SVIL: variants seen among roughly 807,000 people sequenced by gnomAD.
SVIL encodes supervillin, also known as archvillin.
Under a neutral mutation model 240.4 loss-of-function variants are expected in SVIL, and 101 were observed. The ratio of observed to expected loss-of-function variants is 0.42; its 90% CI spans 0.36 to 0.50. SVIL has a LOEUF of 0.50. Ranked by LOEUF, SVIL falls within the 20% of genes least tolerant of loss-of-function variation. The pLI, the probability that SVIL is intolerant of heterozygous loss-of-function variation, is 0.01. For missense variants in SVIL, 2,512 were observed against 2,818.7 expected, an observed-to-expected ratio of 0.89 and a Z score of 2.46; for synonymous variants, 999 against 1,100.0, an observed-to-expected ratio of 0.91 and a Z score of 1.82.
In SVIL at chr10:29,462,418, T is replaced by G; in HGVS notation, c.6278-17A>C. 1.2e-6 allele frequency: 2 copies of G among 1,613,458 alleles called. No homozygotes were observed. The highest frequency in any genetic ancestry group is 1.7e-6 in the Non-Finnish European group (2 of 1,179,768). ...GATTTTTTCCTGTAGTTACACAGAT[T>G]GCAATGTCAGTAGACCCCAGGGAGA... On this transcript the variant is annotated splice_polypyrimidine_tract_variant and intron_variant, in intron 35 of 37. Coordinates refer to ENST00000355867, the MANE Select transcript of SVIL (RefSeq NM_021738.3).
intron 36 of SVIL, among the ~76,000 whole-genome samples, chr10:29,458,990 CAT>C (rs1491102916): frequency 3.8e-5 from 5 of 132,980 alleles, no homozygotes; most frequent in Admixed American, 3.4e-4. Context: ...TTTCCTTTTC[CAT>C]TTTTTTTTTT....
chr10:29,463,453 A>C, intron 35 of SVIL, 39 bp downstream of exon 35: 1 of 1,600,044 alleles, frequency 6.2e-7, no homozygotes, highest in Non-Finnish European at 8.5e-7. Context: ...GGGCTTCCCC[A>C]TCTGTTCCGT....
At chr10:29,540,351 C>T (rs1589168052) in intron 6 of SVIL, among the ~76,000 whole-genome samples, 1 of 152,300 alleles carries the variant, frequency 6.6e-6, no homozygotes, top group African/African-American at 2.4e-5. Context: ...CATTCATCTC[C>T]TCGGCACTCG....
chr10:29,595,644 A>G (rs886617417), intron 1 of SVIL, among the ~76,000 whole-genome samples: 2 of 152,200 alleles, frequency 1.3e-5, no homozygotes, highest in Non-Finnish European at 2.9e-5. Flanking sequence ...CTCCTCTTTC[A>G]AGACAAAAAT....
Position 29,531,997 on chromosome 10 carries a change from C to T in SVIL, c.2009+5G>A, listed in dbSNP as rs1280208929. 1.2e-6 allele frequency: 2 copies of T among 1,614,088 alleles called. No homozygotes were observed. The highest frequency in any genetic ancestry group is 2.2e-5 in the South Asian group (2 of 91,078). ...GATGAGGAAACTGCGCATACGCATG[C>T]CTACCTATCCGATTCCTTTCGTTCT... On this transcript the variant is annotated splice_donor_5th_base_variant and intron_variant, in intron 9 of 37. Coordinates refer to ENST00000355867, the MANE Select transcript of SVIL (RefSeq NM_021738.3).
At chr10:29,574,627 G>A (rs1379450187) in intron 1 of SVIL, among the ~76,000 whole-genome samples, 3 of 152,162 alleles carry the variant, frequency 2.0e-5, no homozygotes, top group Non-Finnish European at 4.4e-5. Context: ...AGCTTGTGGC[G>A]TGGAAGTGCC....
At chr10:29,526,751 T>C (rs1589118472) in intron 13 of SVIL, among the ~76,000 whole-genome samples, 1 of 152,230 alleles carries the variant, frequency 6.6e-6, no homozygotes, top group East Asian at 1.9e-4. Flanking sequence ...ACACATAACA[T>C]ATGCAGAGAG....
chr10:29,465,843 G>T, intron 33 of SVIL, 93 bp from the exon 34 acceptor site: 1 of 1,479,368 alleles, frequency 6.8e-7, no homozygotes, highest in Non-Finnish European at 9.2e-7. Flanking sequence ...ATAATTCAAA[G>T]CACTGTGGAA....
chr10:29,665,667 G>A (rs1162982399), intron 2 of SVIL, among the ~76,000 whole-genome samples: 5 of 152,026 alleles, frequency 3.3e-5, no homozygotes, highest in Non-Finnish European at 7.4e-5. Flanking sequence ...GGTGGCGGAC[G>A]CCTGTAGTCC....
intron 1 of SVIL, among the ~76,000 whole-genome samples, chr10:29,703,613 G>A (rs961037729): frequency 6.6e-6 from 1 of 152,326 alleles, no homozygotes; most frequent in South Asian, 2.1e-4. Flanking sequence ...GAACCAGCAG[G>A]CAGGCATCAG....
intron 1 of SVIL, among the ~76,000 whole-genome samples, chr10:29,582,028 G>C (rs565676041): frequency 1.1e-3 from 163 of 152,318 alleles, no homozygotes; most frequent in Non-Finnish European, 2.0e-3. Context: ...TTCAGAGACA[G>C]ATAGTAGAAG....
chr10:29,699,245 C>T (rs1369041109), intron 1 of SVIL, among the ~76,000 whole-genome samples: 1 of 152,196 alleles, frequency 6.6e-6, no homozygotes, highest in African/African-American at 2.4e-5. Context: ...CCTCTTGCCT[C>T]AGCCTCTCAA....
At chr10:29,519,888 ACTT>A (rs1394646524) in intron 16 of SVIL, among the ~76,000 whole-genome samples, 4 of 152,222 alleles carry the variant, frequency 2.6e-5, no homozygotes, top group Non-Finnish European at 5.9e-5. Flanking sequence ...TTCTGAATAC[ACTT>A]CCGGGCTGTT....
chr10:29,689,302 T>C (rs1589518331), intron 1 of SVIL, among the ~76,000 whole-genome samples: 2 of 152,272 alleles, frequency 1.3e-5, no homozygotes, highest in East Asian at 3.9e-4. Context: ...CTTTTTTTTT[T>C]GAGACAGAGT....
chr10:29,610,406 A>G (rs1424949979), intron 1 of SVIL, among the ~76,000 whole-genome samples: 1 of 150,374 alleles, frequency 6.7e-6, no homozygotes, highest in African/African-American at 2.4e-5. Flanking sequence ...TGTTTTGTCA[A>G]TCAAGGCTCT....
In SVIL at chr10:29,522,427, G is replaced by A. The variant is rs772522034; in HGVS notation, c.3372C>T (p.Thr1124=). The part of the protein sequence containing the change: ...GEGLLDSPSK[T]MSIKERLALL... Reference sequence around the variant, plus strand: ...CTCATTACCTTTCTTTAATAGACATGGTTTTGCTGGGTGAGTCAAGAAGGC... The same window carrying A: ...CTCATTACCTTTCTTTAATAGACATAGTTTTGCTGGGTGAGTCAAGAAGGC... The change falls in exon 16 of 38, where the codon ACC becomes ACT. Residue 1124 remains threonine (T), a synonymous_variant. Coordinates refer to ENST00000355867, the MANE Select transcript of SVIL (RefSeq NM_021738.3). 1.2e-6 allele frequency: 2 copies of A among 1,614,022 alleles called. No individual in the cohort carries two copies. The highest frequency in any genetic ancestry group is 1.3e-5 in the African/African-American group (1 of 74,972).
intron 1 of SVIL, among the ~76,000 whole-genome samples, chr10:29,710,321 T>G (rs1328474919): frequency 6.6e-6 from 1 of 152,224 alleles, no homozygotes. Flanking sequence ...CCTCCCAAAG[T>G]GTCGGGATTA....
chr10:29,735,605 C>T lies in SVIL; in HGVS notation c.-400+146G>A, dbSNP rs1340998290. The T allele has an allele frequency of 6.6e-6, 1 of 151,430 alleles. No individual in the cohort carries two copies. The highest frequency in any genetic ancestry group is 2.4e-5 in the African/African-American group (1 of 41,302). 9.4% of individuals were successfully genotyped at this position (151,430 alleles called of 1,614,324 possible). A position where few individuals can be genotyped will look rare whatever the true frequency, so the allele number is the denominator to read the frequency against. On this transcript the variant is annotated intron_variant, in intron 1 of 35. Coordinates refer to the SVIL transcript ENST00000375400. This position sits in a 1 kb window ranked among gnomAD's most constrained non-coding sequence, Gnocchi z 4.1. Reference sequence around the variant, plus strand: ...CCCCCGGGAGGCGCCCCCGTTCCCGCTTCGGTCCCCGGCAGGGCCTCCCGC... The same window carrying T: ...CCCCCGGGAGGCGCCCCCGTTCCCGTTTCGGTCCCCGGCAGGGCCTCCCGC...
chr10:29,581,222 T>C (rs552729696), intron 1 of SVIL, among the ~76,000 whole-genome samples: 1 of 152,226 alleles, frequency 6.6e-6, no homozygotes, highest in Non-Finnish European at 1.5e-5. Flanking sequence ...TTTCTTTATG[T>C]GTGCAGATCC....
Sources: allele counts gnomAD v4.1 joint callset (sites outside exome capture counted in the v4.1 genomes callset), GRCh38; gene constraint gnomAD v4.1.1; non-coding constraint Gnocchi (gnomAD v3.1); transcripts MANE v1.5; gene names NCBI Gene and HGNC (gene_info 2026-07-23, HGNC 2026-07-21).